The following PXDNL variants were observed in gnomAD, a reference collection of about 807,000 sequenced individuals.
PXDNL encodes the protein peroxidasin like.
PXDNL carries 145 observed loss-of-function variants against 150.8 expected under a neutral mutation model. The observed-to-expected ratio is 0.96, with a 90% CI of 0.84 to 1.10. The LOEUF (loss-of-function observed/expected upper bound fraction) is 1.10, where lower values mean the gene tolerates loss of function less well. Ranked by LOEUF, PXDNL falls within the 50% of genes least tolerant of loss-of-function variation. The pLI, the probability that PXDNL is intolerant of heterozygous loss-of-function variation, is 0.00. For synonymous variants in PXDNL, 757 were observed against 725.7 expected (o/e 1.04, Z -0.69); for missense variants, 2,087 against 1,873.9 (o/e 1.11, Z -2.10).
intron 13 of PXDNL, 36 bp from the exon 14 acceptor site, chr8:51,423,767 T>C (rs777427879): frequency 1.2e-4 from 189 of 1,568,552 alleles, no homozygotes; most frequent in Non-Finnish European, 1.6e-4. Context: ...TGAATGAGTG[T>C]GGTTCCTTAA....
intron 1 of PXDNL, among the ~76,000 whole-genome samples, chr8:51,684,343 C>T (rs1815824991): frequency 6.6e-6 from 1 of 152,230 alleles, no homozygotes; most frequent in Non-Finnish European, 1.5e-5. Flanking sequence ...AGTCTGGATG[C>T]TTCTAGACAG....
At chr8:51,785,822 GGAAAA>G (rs2037456037) in intron 1 of PXDNL, among the ~76,000 whole-genome samples, 1 of 152,166 alleles carries the variant, frequency 6.6e-6, no homozygotes, top group African/African-American at 2.4e-5. Context: ...AGTGTTCAAG[GGAAAA>G]GAAGAGTGGC....
chr8:51,430,318 C>T (rs1809219806), intron 12 of PXDNL, among the ~76,000 whole-genome samples: 1 of 152,162 alleles, frequency 6.6e-6, no homozygotes, highest in African/African-American at 2.4e-5. Flanking sequence ...AGCCAAGCTC[C>T]TGTGAATAAA....
At chr8:51,345,804 C>G (rs1393279055) in intron 20 of PXDNL, 29 bp downstream of exon 20, 1 of 1,391,660 alleles carries the variant, frequency 7.2e-7, no homozygotes, top group Admixed American at 1.8e-5. Flanking sequence ...AGTAAGTTGC[C>G]TAAAGAAATG....
At chr8:51,373,054 C>A (rs780360490) in intron 18 of PXDNL, among the ~76,000 whole-genome samples, 6 of 152,120 alleles carry the variant, frequency 3.9e-5, no homozygotes, top group African/African-American at 7.2e-5. Context: ...GAGCTGTGTC[C>A]CCCTAAAATG....
intron 2 of PXDNL, among the ~76,000 whole-genome samples, chr8:51,598,379 T>C (rs970695562): frequency 6.6e-6 from 1 of 152,208 alleles, no homozygotes; most frequent in Non-Finnish European, 1.5e-5. Context: ...TTATCATAGA[T>C]GGCTTATTAT....
At chr8:51,337,414 T>C (rs1401927294) in intron 21 of PXDNL, among the ~76,000 whole-genome samples, 1 of 152,174 alleles carries the variant, frequency 6.6e-6, no homozygotes, top group Non-Finnish European at 1.5e-5. Flanking sequence ...TCTGAGGACT[T>C]TTCTTTGCTG....
intron 4 of PXDNL, among the ~76,000 whole-genome samples, chr8:51,516,819 T>C (rs554801474): frequency 6.6e-6 from 1 of 152,318 alleles, no homozygotes; most frequent in East Asian, 1.9e-4. Context: ...ATGCATTTAA[T>C]AGATGCTCCC....
intron 19 of PXDNL, among the ~76,000 whole-genome samples, chr8:51,349,168 T>TGGG (rs1206410504): frequency 1.5e-5 from 1 of 68,630 alleles, no homozygotes; most frequent in African/African-American, 3.8e-5. Context: ...GGTGGGTGTG[T>TGGG]GTGTGGGGGT....
chr8:51,346,931 ACT>A (rs1806180027), intron 19 of PXDNL, among the ~76,000 whole-genome samples: 1 of 151,954 alleles, frequency 6.6e-6, no homozygotes, highest in Non-Finnish European at 1.5e-5. Flanking sequence ...TGCCTAATAC[ACT>A]CTCTAAAATT....
At chr8:51,391,998 C>T (rs1207596901) in intron 17 of PXDNL, among the ~76,000 whole-genome samples, 1 of 152,180 alleles carries the variant, frequency 6.6e-6, no homozygotes, top group Non-Finnish European at 1.5e-5. Context: ...AATAGGGAAT[C>T]CTTTCCCCAT....
Position 51,319,678 on chromosome 8 carries a change from T to G in PXDNL, c.*213A>C. On this transcript the variant is annotated 3_prime_UTR_variant, in exon 23 of 23. Transcript: ENST00000356297. ...ATTTCTTATGATCAAACACTTCATA[T>G]GCACTTTATTGCTTTTAGTTTTGAA... The G allele has an allele frequency of 3.0e-6, 1 of 332,294 alleles. No homozygotes were observed. Among genetic ancestry groups the G allele is most frequent in the Non-Finnish European group, 5.4e-6 (1 of 186,818 alleles). The allele number at this position is 332,294 out of a possible 1,614,324, so 20.6% of individuals were successfully genotyped here.
intron 5 of PXDNL, among the ~76,000 whole-genome samples, chr8:51,495,586 G>T (rs1177440386): frequency 6.6e-6 from 1 of 152,072 alleles, no homozygotes; most frequent in Non-Finnish European, 1.5e-5. Context: ...AATAAAAAAT[G>T]ATAAAGGGGA....
intron 2 of PXDNL, among the ~76,000 whole-genome samples, chr8:51,635,167 ATACT>A (rs1563490240): frequency 6.6e-6 from 1 of 152,098 alleles, no homozygotes; most frequent in African/African-American, 2.4e-5. Flanking sequence ...AAATTTAAAA[ATACT>A]TAGGACAAAC....
chr8:51,326,104 C>A (rs10958261), intron 21 of PXDNL, among the ~76,000 whole-genome samples: 33,084 of 152,010 alleles, frequency 0.22, 3,727 homozygotes, highest in Middle Eastern at 0.3. Flanking sequence ...TTCCTGGAGC[C>A]CAAGGTCCCT....
chr8:51,427,160 T>A (rs1335895278), intron 12 of PXDNL, among the ~76,000 whole-genome samples: 1 of 152,120 alleles, frequency 6.6e-6, no homozygotes, highest in African/African-American at 2.4e-5. Context: ...TCTCATTTCC[T>A]CAAAAAACAC....
chr8:51,693,636 G>T (rs1307942350), intron 1 of PXDNL, among the ~76,000 whole-genome samples: 1 of 152,106 alleles, frequency 6.6e-6, no homozygotes, highest in Non-Finnish European at 1.5e-5. Context: ...CAGGCATGGT[G>T]GTGTGCGCCT....
intron 1 of PXDNL, among the ~76,000 whole-genome samples, chr8:51,694,877 T>C (rs188307744): frequency 1.5e-4 from 23 of 152,382 alleles, no homozygotes; most frequent in Admixed American, 5.9e-4. Context: ...TGATGTTTTA[T>C]GGTACATTGC....
At chr8:51,557,423 A>C (rs976993122) in intron 3 of PXDNL, among the ~76,000 whole-genome samples, 5 of 152,170 alleles carry the variant, frequency 3.3e-5, no homozygotes, top group Admixed American at 2.6e-4. Flanking sequence ...AAATACGATG[A>C]TACAACTAAT....
Sources: gnomAD v4.1 joint callset for allele counts (sites outside exome capture counted in the v4.1 genomes callset) on GRCh38, gnomAD v4.1.1 for gene constraint, MANE v1.5 for transcripts, NCBI Gene and HGNC (gene_info 2026-07-23, HGNC 2026-07-21) for gene names.